Variants in SLC35B2 observed in about 807,000 individuals in gnomAD.
SLC35B2 encodes the protein solute carrier family 35 member B2.
In SLC35B2, 19 loss-of-function variants were observed where a neutral mutation model predicts 37.9. The observed-to-expected ratio is 0.50, with a 90% CI of 0.35 to 0.74. The LOEUF is 0.74. Among genes scored for constraint, SLC35B2 ranks in the 30% least tolerant of loss-of-function variants. The pLI is 0.01. For missense variants in SLC35B2, 633 were observed against 547.6 expected (o/e 1.16, Z -1.56); for synonymous variants, 277 against 225.2 (o/e 1.23, Z -2.06).
intron 1 of SLC35B2, 175 bp downstream of exon 1, chr6:44,257,225 A>G: frequency 1.5e-6 from 1 of 683,060 alleles, no homozygotes. Flanking sequence ...CTCCGCCCGA[A>G]GCTCCCCAAG....
chr6:44,257,761 A>G (rs1159256131), upstream of SLC35B2: 2 of 155,928 alleles, frequency 1.3e-5, no homozygotes, highest in African/African-American at 4.8e-5. Flanking sequence ...CCCAGAGGTC[A>G]TGGTGACCAT....
At chr6:44,256,535 C>G (rs1324625961) in intron 2 of SLC35B2, 39 bp from the exon 3 acceptor site, 1 of 1,613,770 alleles carries the variant, frequency 6.2e-7, no homozygotes, top group Non-Finnish European at 8.5e-7. Flanking sequence ...AAATCTTCTC[C>G]ATAGCACTTC....
intron 3 of SLC35B2, among the ~76,000 whole-genome samples, 183 bp downstream of exon 3, chr6:44,256,159 A>C (rs1781469885): frequency 6.6e-6 from 1 of 152,212 alleles, no homozygotes; most frequent in Admixed American, 6.5e-5. Flanking sequence ...GAGAGGAGAA[A>C]AGGAAGAAAC....
chr6:44,254,782 C>A lies in SLC35B2; in HGVS notation c.1223G>T (p.Arg408Ile), dbSNP rs766780517. Reference protein sequence around the residue: ...VAVVFAALLLRVYARGRLKQR... With the variant: ...VAVVFAALLLIVYARGRLKQR... ...CTTTAGACGGCCCCGCGCGTAGACT[C>A]TGAGCAGGAGGGCAGCAAAGACCAC... Residue 408 changes from arginine (R) to isoleucine (I), a missense_variant, in exon 4 of 4, where the codon AGA becomes ATA. By Grantham distance (97) the Arg-to-Ile change is moderately conservative (BLOSUM62 -3). Transcript: ENST00000393812. The A allele has an allele frequency of 1.2e-6, 2 of 1,614,176 alleles. No homozygotes were observed. Among genetic ancestry groups the A allele is most frequent in the Non-Finnish European group, 1.7e-6 (2 of 1,180,042 alleles).
In SLC35B2 at chr6:44,254,729, C is replaced by T. The variant is rs150122797; in HGVS notation, c.1276G>A (p.Glu426Lys). The T allele has an allele frequency of 1.2e-6, 2 of 1,613,044 alleles. No homozygotes were observed. Among genetic ancestry groups the T allele is most frequent in the South Asian group, 2.2e-5 (2 of 91,038 alleles). ...CCTCAAACCTTCTGCACAGGAGACT[C>T]AACAGGCACAGCCTTCTTTCCCCGT... The part of the protein sequence containing the change: ...KQRGKKAVPV[E>K]SPVQKV The change falls in exon 4 of 4, where the codon GAG (glutamate) becomes AAG (lysine). Residue 426 changes from glutamate (E) to lysine (K), a missense_variant. By Grantham distance (56) the Glu-to-Lys change is moderately conservative. Coordinates refer to ENST00000393812, the MANE Select transcript of SLC35B2 (RefSeq NM_178148.4).
chr6:44,257,313 G>A (rs553970611), intron 1 of SLC35B2, 87 bp downstream of exon 1: 13 of 1,289,938 alleles, frequency 1.0e-5, no homozygotes, highest in Middle Eastern at 2.9e-4. Context: ...GAGCAGCCGG[G>A]ACCCCACCCG....
chr6:44,256,335 T>G lies in SLC35B2; in HGVS notation c.360+7A>C. ...CCCAGGAAGAGAGGCTGAGCCCACCTACCCACCTGGAGCCCTGTGGCACAG... is the reference window on the plus strand; with the variant it reads ...CCCAGGAAGAGAGGCTGAGCCCACCGACCCACCTGGAGCCCTGTGGCACAG... On this transcript the variant is annotated splice_region_variant and intron_variant, in intron 3 of 3. Coordinates refer to ENST00000393812, the MANE Select transcript of SLC35B2 (RefSeq NM_178148.4). The G allele has an allele frequency of 6.3e-7, 1 of 1,599,964 alleles. No homozygotes were observed. The highest frequency in any genetic ancestry group is 8.5e-7 in the Non-Finnish European group (1 of 1,173,356).
Position 44,254,909 on chromosome 6 carries a change from C to T in SLC35B2, c.1096G>A (p.Val366Ile), listed in dbSNP as rs755794449. 39 of 1,614,160 alleles carry T rather than the reference C, an allele frequency of 2.4e-5. 4 individuals carry two copies. The Admixed American group carries it at 2.7e-4, about 11-fold the overall frequency. ...CGGAGGGTCATGATGATGGTGAAGA[C>T]GGCAGCCCCAAACTGCCCAATGGTG... ...FYTIGQFGAA[V>I]FTIIMTLRQA... Residue 366 changes from valine to isoleucine, a missense_variant, in exon 4 of 4, where the codon GTC becomes ATC. Coordinates refer to ENST00000393812, the MANE Select transcript of SLC35B2 (RefSeq NM_178148.4).
chr6:44,256,724 G>A lies in SLC35B2; in HGVS notation c.166C>T (p.Leu56=). The A allele has an allele frequency of 1.2e-6, 2 of 1,614,200 alleles. No homozygotes were observed. Among genetic ancestry groups the A allele is most frequent in the Non-Finnish European group, 1.7e-6 (2 of 1,180,028 alleles). ...TTCTTCCGCCTGAAGTACTGCACCA[G>A]GAGGTAGCCAGGTACCATAAAGCTG... ...YASFMVPGYL[L]VQYFRRKNYL... is the part of the protein sequence containing the mutation. Residue 56 remains leucine, a synonymous_variant, in exon 2 of 4, where the codon CTG becomes TTG. Coordinates refer to ENST00000393812, the MANE Select transcript of SLC35B2 (RefSeq NM_178148.4).
In SLC35B2 at chr6:44,254,804, C is replaced by A. The variant is rs1278932038; in HGVS notation, c.1201G>T (p.Val401Phe). ...TVVGGLGVAV[V>F]FAALLLRVYA... is the part of the protein sequence containing the mutation. ...ACTCTGAGCAGGAGGGCAGCAAAGA[C>A]CACAGCCACCCCCAGCCCTCCCACC... The change falls in exon 4 of 4, where the codon GTC becomes TTC. Residue 401 changes from valine to phenylalanine, a missense_variant. By Grantham distance (50) the Val-to-Phe change is conservative (BLOSUM62 -1). Coordinates refer to ENST00000393812, the MANE Select transcript of SLC35B2 (RefSeq NM_178148.4). 3 of 1,614,170 alleles carry A rather than the reference C, an allele frequency of 1.9e-6. No individual in the cohort carries two copies. The South Asian group carries it at 3.3e-5, about 18-fold the overall frequency.
At position 44,257,465 on chromosome 6, in the gene SLC35B2, C is replaced by CGCGCCCCCT; in HGVS notation, c.-64_-56dup. On this transcript the variant is annotated 5_prime_UTR_variant, in exon 1 of 4. Coordinates refer to ENST00000393812, the MANE Select transcript of SLC35B2 (RefSeq NM_178148.4). ...CCGGGGAATGCGAGTCCCCGGGCCG[C>CGCGCCCCCT]GCGCCCCCTGCGCTCCCGCCGCCGC... 8.1e-7 allele frequency: 1 copy of CGCGCCCCCT among 1,241,724 alleles called. No individual in the cohort carries two copies. Among genetic ancestry groups the CGCGCCCCCT allele is most frequent in the Non-Finnish European group, 1.0e-6 (1 of 985,954 alleles). 76.9% of individuals were successfully genotyped at this position (1,241,724 alleles called of 1,614,324 possible). A position where few individuals can be genotyped will look rare whatever the true frequency, so the allele number is the denominator to read the frequency against.
chr6:44,257,068 C>T, intron 1 of SLC35B2, 190 bp from the exon 2 acceptor site: 1 of 675,974 alleles, frequency 1.5e-6, no homozygotes, highest in Non-Finnish European at 2.4e-6. Context: ...CCAGGCAGAG[C>T]TTCCTCCCTC....
rs1781129149 is a variant in SLC35B2, at chr6:44,254,357, G to A, written c.*349C>T. ...TAAGAAATGCAGGTATTTGCAGAGG[G>A]GAGTGAGTCTGGAAGGTGGCAGAGC... is the stretch of plus-strand genomic sequence containing the variant. On this transcript the variant is annotated 3_prime_UTR_variant, in exon 4 of 4. Transcript: ENST00000393812. 7.8e-6 allele frequency: 2 copies of A among 257,622 alleles called. No homozygotes were observed. The highest frequency in any genetic ancestry group is 1.5e-5 in the Non-Finnish European group (2 of 131,894). 16.0% of individuals were successfully genotyped at this position (257,622 alleles called of 1,614,324 possible).
At position 44,254,859 on chromosome 6, in the gene SLC35B2, G is replaced by C. The variant is rs777110019; in HGVS notation, c.1146C>G (p.Ser382=). ...TLRQAFAILL[S]CLLYGHTVTV... Reference sequence around the variant, plus strand: ...TGACAGTGTGGCCATAGAGAAGGCAGGAAAGAAGGATGGCAAAGGCCTGGC... The same window carrying C: ...TGACAGTGTGGCCATAGAGAAGGCACGAAAGAAGGATGGCAAAGGCCTGGC... Residue 382 remains serine, a synonymous_variant, in exon 4 of 4, where the codon TCC becomes TCG. Coordinates refer to ENST00000393812, the MANE Select transcript of SLC35B2 (RefSeq NM_178148.4). 17 of 1,614,094 alleles carry C rather than the reference G, an allele frequency of 1.1e-5. No individual in the cohort carries two copies. The highest frequency in any genetic ancestry group is 1.7e-5 in the Admixed American group (1 of 59,998).
At chr6:44,257,147 C>G (rs756677275) in intron 1 of SLC35B2, 17 of 530,866 alleles carry the variant, frequency 3.2e-5, no homozygotes, top group Admixed American at 3.1e-4. Context: ...GCCGGCTGCT[C>G]AGGTCAGAGG....
chr6:44,254,611 C>T lies in SLC35B2; in HGVS notation c.*95G>A. 2.2e-6 allele frequency: 3 copies of T among 1,359,754 alleles called. No individual in the cohort carries two copies. Among genetic ancestry groups the T allele is most frequent in the Non-Finnish European group, 3.0e-6 (3 of 997,664 alleles). 84.2% of individuals were successfully genotyped at this position (1,359,754 alleles called of 1,614,324 possible). ...GTCTGTGATACTGAGAAAACACCTGCATTTTGCCCTTTCAGCCAGCTCCCT... is the reference window on the plus strand; with the variant it reads ...GTCTGTGATACTGAGAAAACACCTGTATTTTGCCCTTTCAGCCAGCTCCCT... On this transcript the variant is annotated 3_prime_UTR_variant, in exon 4 of 4. Transcript: ENST00000393812.
rs763409185 is a variant in SLC35B2 at position 44,255,583 on chromosome 6, G to T, written c.422C>A (p.Thr141Lys). The T allele has an allele frequency of 6.2e-7, 1 of 1,614,078 alleles. No individual in the cohort carries two copies. Among genetic ancestry groups the T allele is most frequent in the African/African-American group, 1.3e-5 (1 of 74,920 alleles). Residue 141 changes from threonine (T) to lysine (K), a missense_variant, in exon 4 of 4, where the codon ACA becomes AAA. By Grantham distance (78) the Thr-to-Lys change is moderately conservative. Transcript: ENST00000393812. ...AAAGCGCTCACCCGGTGATGTGGCT[G>T]TGGCCCCATAGCTGCGGGTCATCAC... ...ERVMTRSYGA[T>K]ATSPGERFTD...
At chr6:44,256,237 A>C in intron 3 of SLC35B2, 105 bp downstream of exon 3, 1 of 1,450,472 alleles carries the variant, frequency 6.9e-7, no homozygotes. Context: ...AGGACACGAA[A>C]CACACCAGCC....
chr6:44,257,508 G>C lies in SLC35B2; in HGVS notation c.-98C>G. 11 of 1,165,236 alleles carry C rather than the reference G, an allele frequency of 9.4e-6. No homozygotes were observed. The highest frequency in any genetic ancestry group is 1.2e-5 in the Non-Finnish European group (11 of 923,478). The allele number at this position is 1,165,236 out of a possible 1,614,324, so 72.2% of individuals were successfully genotyped here. The stretch of plus-strand genomic sequence containing the variant: ...GCCGCCGCCTCCAGGAGCGGCCAGC[G>C]AGCCAGCGGCCAGCGGAAGTGCCGC... On this transcript the variant is annotated 5_prime_UTR_variant, in exon 1 of 4. Coordinates refer to ENST00000393812, the MANE Select transcript of SLC35B2 (RefSeq NM_178148.4).
Sources: gnomAD v4.1 joint callset for allele counts (sites outside exome capture counted in the v4.1 genomes callset) on GRCh38, gnomAD v4.1.1 for gene constraint, MANE v1.5 for transcripts, NCBI Gene and HGNC (gene_info 2026-07-23, HGNC 2026-07-21) for gene names.